Variants in PITX3 observed in about 807,000 individuals in gnomAD.
PITX3 encodes the protein paired like homeodomain 3, also known as pituitary homeobox 3.
A neutral mutation model predicts 14.2 loss-of-function variants in PITX3; 4 were observed. The observed-to-expected ratio is 0.28, with a 90% confidence interval of 0.14 to 0.65. PITX3 has a LOEUF of 0.65. Ranked by LOEUF, PITX3 falls within the 30% of genes least tolerant of loss-of-function variation. The pLI is 0.82. For synonymous variants in PITX3, 194 were observed against 204.5 expected (o/e 0.95, Z 0.44); for missense variants, 358 against 426.8 (o/e 0.84, Z 1.42).
chr10:102,230,355 G>A lies in PITX3; in HGVS notation c.*159C>T. Reference sequence around the variant, plus strand: ...TGTAGGGCCTAGTCCACCCCTCAGGGCTGGGAGGGGAAGGCCCTCTCCTGA... The same window carrying A: ...TGTAGGGCCTAGTCCACCCCTCAGGACTGGGAGGGGAAGGCCCTCTCCTGA... On this transcript the variant is annotated 3_prime_UTR_variant, in exon 4 of 4. Coordinates refer to ENST00000370002, the MANE Select transcript of PITX3 (RefSeq NM_005029.4). 2 of 1,152,404 alleles carry A rather than the reference G, an allele frequency of 1.7e-6. No individual in the cohort carries two copies. Among genetic ancestry groups the A allele is most frequent in the Non-Finnish European group, 2.4e-6 (2 of 830,760 alleles). 71.4% of individuals were successfully genotyped at this position (1,152,404 alleles called of 1,614,324 possible).
chr10:102,240,868 A>G (rs1032749744), intron 1 of PITX3, among the ~76,000 whole-genome samples: 1 of 152,154 alleles, frequency 6.6e-6, no homozygotes, highest in South Asian at 2.1e-4. Flanking sequence ...GACCAGGCGC[A>G]CCCCGGCTCC....
Position 102,237,440 on chromosome 10 carries a change from T to G in PITX3, c.-13+3893A>C, listed in dbSNP as rs79560680. Among the ~76,000 whole-genome samples, 358 of 151,994 alleles carry G rather than the reference T, an allele frequency of 2.4e-3. 1 individual carries two copies. The highest frequency in any genetic ancestry group is 8.2e-3 in the African/African-American group (339 of 41,402). On this transcript the variant is annotated intron_variant, in intron 1 of 3. Coordinates refer to ENST00000370002, the MANE Select transcript of PITX3 (RefSeq NM_005029.4). ...GAGTCTCAGTGTAGGCCACGGGAGATCTGCAGAGAGAAACGAGTCAAACCG... is the reference window on the plus strand; with the variant it reads ...GAGTCTCAGTGTAGGCCACGGGAGAGCTGCAGAGAGAAACGAGTCAAACCG...
At chr10:102,232,875 C>G (rs1164076674) in intron 1 of PITX3, among the ~76,000 whole-genome samples, 1 of 152,160 alleles carries the variant, frequency 6.6e-6, no homozygotes, top group African/African-American at 2.4e-5. Flanking sequence ...TATTTTGAAC[C>G]AGACCTGATA....
intron 3 of PITX3, among the ~76,000 whole-genome samples, chr10:102,231,372 G>A (rs2070230961): frequency 1.3e-5 from 2 of 152,198 alleles, no homozygotes; most frequent in South Asian, 4.1e-4. Flanking sequence ...GACGGTGTCA[G>A]GGCCGAAGAA....
At chr10:102,233,417 C>G (rs1391642277) in intron 1 of PITX3, among the ~76,000 whole-genome samples, 1 of 149,248 alleles carries the variant, frequency 6.7e-6, no homozygotes, top group Non-Finnish European at 1.5e-5. Flanking sequence ...TATTCTCCTG[C>G]CTCAGCCTCC....
chr10:102,232,452 G>GCCT (rs2070272076), intron 1 of PITX3, among the ~76,000 whole-genome samples: 1 of 152,246 alleles, frequency 6.6e-6, no homozygotes, highest in South Asian at 2.1e-4. Flanking sequence ...GGAGGCCAAG[G>GCCT]CGGGTGGATC....
intron 1 of PITX3, among the ~76,000 whole-genome samples, chr10:102,233,304 C>CTTTTT (rs35379060): frequency 1.0e-4 from 11 of 107,908 alleles, no homozygotes; most frequent in African/African-American, 3.0e-4. Flanking sequence ...TTTTTTCCTT[C>CTTTTT]TTTTTTTTTT....
At chr10:102,236,262 C>T (rs1458091941) in intron 1 of PITX3, among the ~76,000 whole-genome samples, 1 of 152,136 alleles carries the variant, frequency 6.6e-6, no homozygotes, top group Non-Finnish European at 1.5e-5. Context: ...TCGCCTCACT[C>T]AGTGGATAGG....
chr10:102,234,330 G>C (rs919746041), intron 1 of PITX3, among the ~76,000 whole-genome samples: 1 of 152,146 alleles, frequency 6.6e-6, no homozygotes, highest in Non-Finnish European at 1.5e-5. Context: ...GGTTGAGAAA[G>C]AGTCCCTGCT....
intron 2 of PITX3, 61 bp from the exon 3 acceptor site, chr10:102,231,851 G>C (rs1259181463): frequency 2.5e-6 from 4 of 1,581,086 alleles, no homozygotes; most frequent in South Asian, 1.1e-5. Context: ...TCTCCGGCTC[G>C]GGGACCTCCT....
intron 1 of PITX3, among the ~76,000 whole-genome samples, chr10:102,239,463 G>A (rs2070478936): frequency 6.6e-6 from 1 of 152,198 alleles, no homozygotes; most frequent in Non-Finnish European, 1.5e-5. Context: ...ACAAGCCCCT[G>A]AAAAGTGTAT....
At position 102,230,572 on chromosome 10, in the gene PITX3, C is replaced by G. The variant is rs774698043; in HGVS notation, c.851G>C (p.Gly284Ala). The change falls in exon 4 of 4, where the codon GGG becomes GCG. Residue 284 changes from glycine (G) to alanine (A), a missense_variant. Transcript: ENST00000370002. ...ACTAAGGTTGGCTGCCGGGGGCGGC[C>G]CGTGCACAGCGGGGTAGCTGAAGGA... ...HASFSYPAVH[G>A]PPPAANLSPC... 1 of 1,611,506 alleles carries G rather than the reference C, an allele frequency of 6.2e-7. No homozygotes were observed. The highest frequency in any genetic ancestry group is 8.5e-7 in the Non-Finnish European group (1 of 1,179,142).
chr10:102,232,354 A>G (rs2070269417), intron 1 of PITX3, among the ~76,000 whole-genome samples: 1 of 152,172 alleles, frequency 6.6e-6, no homozygotes, highest in African/African-American at 2.4e-5. Context: ...TGCCAGGTAT[A>G]CAGTTGGGGT....
intron 3 of PITX3, among the ~76,000 whole-genome samples, 160 bp from the exon 4 acceptor site, chr10:102,231,261 G>A (rs888827771): frequency 2.6e-5 from 4 of 152,206 alleles, no homozygotes; most frequent in African/African-American, 9.6e-5. Flanking sequence ...GGAGTCCGGG[G>A]TCGGAGAACA....
At chr10:102,236,260 C>T (rs1293277183) in intron 1 of PITX3, among the ~76,000 whole-genome samples, 2 of 152,152 alleles carry the variant, frequency 1.3e-5, no homozygotes, top group Non-Finnish European at 2.9e-5. Context: ...CTTCGCCTCA[C>T]TCAGTGGATA....
intron 1 of PITX3, among the ~76,000 whole-genome samples, chr10:102,235,166 T>TCCCCCTCCC (rs1388718222): frequency 1.7e-5 from 1 of 59,028 alleles, no homozygotes. Flanking sequence ...TTATTACCCT[T>TCCCCCTCCC]CCCCCACCCC....
chr10:102,236,591 CAT>C (rs773692130), intron 1 of PITX3, among the ~76,000 whole-genome samples: 3 of 152,102 alleles, frequency 2.0e-5, no homozygotes, highest in Non-Finnish European at 4.4e-5. Flanking sequence ...ATATCCAGGA[CAT>C]ATGAAGGTGG....
intron 1 of PITX3, among the ~76,000 whole-genome samples, chr10:102,232,909 A>C (rs1590406216): frequency 6.6e-6 from 1 of 152,182 alleles, no homozygotes; most frequent in African/African-American, 2.4e-5. Context: ...AATAATGTAT[A>C]CTTACTGTGA....
rs1204812970 is a variant in PITX3, at chr10:102,238,198, G to A, written c.-13+3135C>T. 5.9e-5 allele frequency among the ~76,000 whole-genome samples: 9 copies of A among 152,136 alleles called. 1 individual carries two copies. Among genetic ancestry groups the A allele is most frequent in the Admixed American group, 5.2e-4 (8 of 15,262 alleles). On this transcript the variant is annotated intron_variant, in intron 1 of 3. Coordinates refer to ENST00000370002, the MANE Select transcript of PITX3 (RefSeq NM_005029.4). ...TTCTTTTCATGAGTCCCTGGCAGTGGCCATGGACACCCTAGACACCCCAAA... is the reference window on the plus strand; with the variant it reads ...TTCTTTTCATGAGTCCCTGGCAGTGACCATGGACACCCTAGACACCCCAAA...
Sources: allele counts gnomAD v4.1 joint callset (sites outside exome capture counted in the v4.1 genomes callset), GRCh38; gene constraint gnomAD v4.1.1; transcripts MANE v1.5; gene names NCBI Gene and HGNC (gene_info 2026-07-23, HGNC 2026-07-21).